PATJ: variants seen among roughly 807,000 people sequenced by gnomAD.
PATJ encodes inaD-like protein.
In PATJ, 190 loss-of-function variants were observed where a neutral mutation model predicts 224.9. The ratio of observed to expected loss-of-function variants is 0.84; its 90% CI spans 0.75 to 0.95. The LOEUF (loss-of-function observed/expected upper bound fraction) is 0.95. PATJ is among the 40% of genes least tolerant of loss of function. The pLI is 0.00. For synonymous variants in PATJ, 769 were observed against 820.3 expected, an observed-to-expected ratio of 0.94 and a Z score of 1.07; for missense variants, 2,121 against 2,270.3, an observed-to-expected ratio of 0.93 and a Z score of 1.34.
intron 37 of PATJ, 73 bp from the exon 38 acceptor site, chr1:62,121,108 C>G: frequency 3.2e-6 from 3 of 933,398 alleles, no homozygotes; most frequent in Non-Finnish European, 5.0e-6. Context: ...AATTGGCACA[C>G]TAATGGATAA....
At chr1:62,063,226 T>G (rs1315437213) in intron 31 of PATJ, among the ~76,000 whole-genome samples, 1 of 152,246 alleles carries the variant, frequency 6.6e-6, no homozygotes, top group Non-Finnish European at 1.5e-5. Flanking sequence ...TGCAAATGGA[T>G]AGCTGGTTAT....
chr1:61,815,459 C>T (rs1168401971), intron 14 of PATJ, among the ~76,000 whole-genome samples: 1 of 152,174 alleles, frequency 6.6e-6, no homozygotes, highest in Non-Finnish European at 1.5e-5. Context: ...TTTCCTCTGT[C>T]TCATCAGCTT....
chr1:61,792,559 C>G (rs1404636856), intron 9 of PATJ, among the ~76,000 whole-genome samples: 1 of 151,230 alleles, frequency 6.6e-6, no homozygotes, highest in African/African-American at 2.4e-5. Flanking sequence ...TGAGATGAGT[C>G]TCGCTCTGTC....
chr1:61,749,459 T>C (rs2148168910), intron 1 of PATJ, among the ~76,000 whole-genome samples: 1 of 152,316 alleles, frequency 6.6e-6, no homozygotes, highest in East Asian at 1.9e-4. Flanking sequence ...TTTCAATAAT[T>C]GGCTATTGAA....
chr1:62,036,248 G>A (rs1378634574), intron 29 of PATJ, among the ~76,000 whole-genome samples: 1 of 152,222 alleles, frequency 6.6e-6, no homozygotes, highest in African/African-American at 2.4e-5. Context: ...TTACATGCCG[G>A]TGAGAAATGA....
At chr1:61,824,909 A>C (rs1282878242) in intron 15 of PATJ, among the ~76,000 whole-genome samples, 3 of 152,182 alleles carry the variant, frequency 2.0e-5, no homozygotes, top group Non-Finnish European at 4.4e-5. Flanking sequence ...ACCTTGTAAA[A>C]GAATGTGCTA....
intron 28 of PATJ, among the ~76,000 whole-genome samples, chr1:62,012,816 A>T (rs999748700): frequency 1.3e-5 from 2 of 152,110 alleles, no homozygotes; most frequent in Non-Finnish European, 2.9e-5. Flanking sequence ...CTAACCCTAA[A>T]TGTGTTATTT....
At chr1:62,136,648 CGTGTGTGTGTGTGTGTCTGTGTGTGTGT>C (rs1261194922) in intron 41 of PATJ, among the ~76,000 whole-genome samples, 2 of 71,304 alleles carry the variant, frequency 2.8e-5, no homozygotes, top group Non-Finnish European at 5.4e-5. Flanking sequence ...TTATGTTTTG[CGTGTGTGTGTGTGTGTCTGTGTGTGTGT>C]GTGTGTGTGT....
At chr1:61,749,501 A>C (rs1467759758) in intron 1 of PATJ, among the ~76,000 whole-genome samples, 2 of 152,182 alleles carry the variant, frequency 1.3e-5, no homozygotes, top group Non-Finnish European at 2.9e-5. Context: ...ATTGAAGTAC[A>C]CATTTAGTTC....
intron 27 of PATJ, among the ~76,000 whole-genome samples, chr1:61,941,276 G>A (rs1036332616): frequency 6.6e-6 from 1 of 152,114 alleles, no homozygotes; most frequent in Non-Finnish European, 1.5e-5. Flanking sequence ...CAAACTTATG[G>A]CATAACTTTA....
chr1:61,797,413 C>T lies in PATJ; in HGVS notation c.1387C>T (p.Pro463Ser), dbSNP rs763648285. The T allele has an allele frequency of 2.5e-6, 4 of 1,613,552 alleles. No individual in the cohort carries two copies. Among genetic ancestry groups the T allele is most frequent in the Non-Finnish European group, 3.4e-6 (4 of 1,179,562 alleles). Reference sequence around the variant, plus strand: ...ATCCTCATCTACTTCTCCACTTGAACCACCTTCAGACAGAGGTGATTAATT... The same window carrying T: ...ATCCTCATCTACTTCTCCACTTGAATCACCTTCAGACAGAGGTGATTAATT... ...KTSSSTSPLE[P>S]PSDRGTVVEP... Residue 463 changes from proline to serine, a missense_variant, in exon 11 of 44, where the codon CCA becomes TCA. By Grantham distance (74) the Pro-to-Ser change is moderately conservative. Coordinates refer to ENST00000642238, the MANE Select transcript of PATJ (RefSeq NM_001350145.3).
At position 61,797,366 on chromosome 1, in the gene PATJ, TA is replaced by T; in HGVS notation, c.1342del (p.Thr448ProfsTer2). 6.2e-7 allele frequency: 1 copy of T among 1,613,938 alleles called. No homozygotes were observed. The highest frequency in any genetic ancestry group is 1.1e-5 in the South Asian group (1 of 91,072). On this transcript the variant is annotated frameshift_variant, in exon 11 of 44. Coordinates refer to ENST00000642238, the MANE Select transcript of PATJ (RefSeq NM_001350145.3). LOFTEE classifies it high-confidence loss of function. ...CGAAATGCAGGGCAGGTGGTACACC[TA>T]ACCCTAGTTCGAAGGAAGACATCCT... ...VLRNAGQVVH[L>X]TLVRRKTSSS...
intron 42 of PATJ, among the ~76,000 whole-genome samples, chr1:62,152,729 G>A (rs1668753781): frequency 6.6e-6 from 1 of 152,164 alleles, no homozygotes; most frequent in African/African-American, 2.4e-5. Context: ...ATGGACAAGA[G>A]TTTATGTGAA....
intron 42 of PATJ, among the ~76,000 whole-genome samples, chr1:62,152,984 C>T (rs1668779048): frequency 6.6e-6 from 1 of 151,364 alleles, no homozygotes; most frequent in African/African-American, 2.4e-5. Context: ...ACTAAAAATA[C>T]AAAAATTAGC....
At position 61,922,903 on chromosome 1, in the gene PATJ, C is replaced by T. The variant is rs552038253; in HGVS notation, c.3571-4827C>T. ...GTGGGGACACAGACAATGAACACCACGTAGGTGAATGAACTTGTTACTACT... is the reference window on the plus strand; with the variant it reads ...GTGGGGACACAGACAATGAACACCATGTAGGTGAATGAACTTGTTACTACT... On this transcript the variant is annotated intron_variant, in intron 26 of 43. Transcript: ENST00000642238. Among the ~76,000 whole-genome samples the T allele has an allele frequency of 2.6e-5, 4 of 152,298 alleles. No individual in the cohort carries two copies. The South Asian group carries it at 6.2e-4, about 24-fold the overall frequency.
intron 27 of PATJ, among the ~76,000 whole-genome samples, chr1:61,940,672 T>C (rs1216267857): frequency 6.8e-6 from 1 of 147,172 alleles, no homozygotes; most frequent in Non-Finnish European, 1.5e-5. Flanking sequence ...CCTGAGATCA[T>C]GCCATTGCAC....
chr1:61,927,413 C>T (rs1311737223), intron 26 of PATJ, among the ~76,000 whole-genome samples: 1 of 152,102 alleles, frequency 6.6e-6, no homozygotes, highest in Non-Finnish European at 1.5e-5. Context: ...AATTAAGCTT[C>T]TACAATGTAT....
intron 31 of PATJ, among the ~76,000 whole-genome samples, chr1:62,068,234 A>G (rs1656808393): frequency 6.6e-6 from 1 of 152,210 alleles, no homozygotes; most frequent in Non-Finnish European, 1.5e-5. Context: ...TCAATTAGGG[A>G]TCTCTTTGTT....
intron 26 of PATJ, among the ~76,000 whole-genome samples, chr1:61,919,567 A>G (rs1284157159): frequency 2.0e-5 from 3 of 152,048 alleles, no homozygotes; most frequent in Non-Finnish European, 4.4e-5. Flanking sequence ...AGCCTCCCAA[A>G]ATGCTGGGGT....
Sources: allele counts gnomAD v4.1 joint callset (sites outside exome capture counted in the v4.1 genomes callset), GRCh38; gene constraint gnomAD v4.1.1; transcripts MANE v1.5; gene names NCBI Gene and HGNC (gene_info 2026-07-23, HGNC 2026-07-21).